Variants in BABAM2 observed in about 807,000 individuals in gnomAD.
BABAM2 encodes BRISC and BRCA1 A complex member 2, also known as BRISC and BRCA1-A complex member 2.
BABAM2 carries 31 observed loss-of-function variants against 54.7 expected under a neutral mutation model. That is an observed-to-expected ratio of 0.57 (90% confidence interval 0.43 to 0.77). BABAM2 has a LOEUF of 0.77. Ranked by LOEUF, BABAM2 falls within the 30% of genes least tolerant of loss-of-function variation. The pLI, the probability that BABAM2 is intolerant of heterozygous loss-of-function variation, is 0.00. For synonymous variants in BABAM2, 167 were observed against 162.9 expected (o/e 1.03, Z -0.19); for missense variants, 364 against 455.8 (o/e 0.80, Z 1.83).
intron 7 of BABAM2, among the ~76,000 whole-genome samples, chr2:28,185,727 A>T (rs1362451833): frequency 2.6e-5 from 4 of 151,218 alleles, no homozygotes; most frequent in African/African-American, 4.9e-5. Flanking sequence ...TTGAAGAATT[A>T]TTTTTTTTGC....
intron 6 of BABAM2, among the ~76,000 whole-genome samples, chr2:28,084,957 A>C (rs1381258958): frequency 2.6e-5 from 4 of 152,240 alleles, no homozygotes; most frequent in Non-Finnish European, 4.4e-5. Context: ...AGAAGTCAAC[A>C]AAATTAACTT....
intron 6 of BABAM2, among the ~76,000 whole-genome samples, chr2:28,121,579 C>T (rs370625644): frequency 1.3e-5 from 2 of 152,092 alleles, no homozygotes; most frequent in Admixed American, 1.3e-4. Context: ...TTTTTATCTT[C>T]AATCTCTGTG....
intron 6 of BABAM2, among the ~76,000 whole-genome samples, chr2:28,069,479 C>T (rs1663922894): frequency 6.6e-6 from 1 of 152,172 alleles, no homozygotes; most frequent in South Asian, 2.1e-4. Context: ...CTACTTCTAA[C>T]ACTTCCTTCC....
chr2:28,338,381 C>T, intron 11 of BABAM2, 69 bp from the exon 12 acceptor site: 1 of 1,351,958 alleles, frequency 7.4e-7, no homozygotes, highest in Non-Finnish European at 1.1e-6. Context: ...CTTGAAAGCT[C>T]CCAGTTGCAC....
chr2:28,161,265 T>G (rs10173507), intron 7 of BABAM2, among the ~76,000 whole-genome samples: 4 of 151,814 alleles, frequency 2.6e-5, no homozygotes, highest in Non-Finnish European at 5.9e-5. Flanking sequence ...TTTGAGTTGC[T>G]TGTACCAACG....
At chr2:28,196,301 T>G (rs547004156) in intron 7 of BABAM2, among the ~76,000 whole-genome samples, 1 of 105,682 alleles carries the variant, frequency 9.5e-6, no homozygotes. Flanking sequence ...CACTCCAGCC[T>G]GGGCAACAGA....
At chr2:28,075,805 TTATTTTCACTTCATTTGAATGAGA>T (rs1377543078) in intron 6 of BABAM2, among the ~76,000 whole-genome samples, 1 of 152,232 alleles carries the variant, frequency 6.6e-6, no homozygotes, top group Non-Finnish European at 1.5e-5. Context: ...AATAGAACTA[TTATTTTCACTTCATTTGAATGAGA>T]GACTCTGTAC....
intron 6 of BABAM2, among the ~76,000 whole-genome samples, chr2:28,062,566 A>G (rs1337414373): frequency 2.2e-5 from 2 of 89,582 alleles, no homozygotes; most frequent in Non-Finnish European, 6.3e-5. Flanking sequence ...CATCTCAAAA[A>G]AAAAAAACCA....
chr2:27,941,699 AAGTC>A (rs1027968967), intron 3 of BABAM2, among the ~76,000 whole-genome samples: 1 of 152,202 alleles, frequency 6.6e-6, no homozygotes, highest in Non-Finnish European at 1.5e-5. Flanking sequence ...TCAGAGGAAA[AAGTC>A]AGAAAAAAAT....
At chr2:28,076,538 C>G (rs1355702408) in intron 6 of BABAM2, among the ~76,000 whole-genome samples, 1 of 151,930 alleles carries the variant, frequency 6.6e-6, no homozygotes, top group Non-Finnish European at 1.5e-5. Flanking sequence ...CTCTGTCACC[C>G]AGGCTGGAGT....
chr2:27,890,490 C>T (rs1664724888), upstream of BABAM2: 2 of 675,774 alleles, frequency 3.0e-6, no homozygotes, highest in East Asian at 2.7e-5. The surrounding 1 kb of genome is among the most constrained non-coding windows in gnomAD (Gnocchi z 4.8). Context: ...CCCGAAATCA[C>T]CCCGCCCACC....
At chr2:28,315,256 G>GTTTT (rs1689433275) in intron 11 of BABAM2, among the ~76,000 whole-genome samples, 1 of 152,022 alleles carries the variant, frequency 6.6e-6, no homozygotes, top group African/African-American at 2.4e-5. Flanking sequence ...TTGTTTGTTT[G>GTTTT]TTTTTAAATC....
chr2:27,990,023 A>G (rs13029008), intron 4 of BABAM2, among the ~76,000 whole-genome samples: 28,753 of 152,064 alleles, frequency 0.19, 3,835 homozygotes, highest in East Asian at 0.62. Flanking sequence ...AGTTATCACA[A>G]ATGTTTTGAG....
Position 28,227,506 on chromosome 2 carries a change from C to G in BABAM2, c.681-9696C>G, listed in dbSNP as rs77338014. Among the ~76,000 whole-genome samples, 108 of 152,306 alleles carry G rather than the reference C, an allele frequency of 7.1e-4. 1 individual carries two copies. The East Asian group carries it at 0.015, about 21-fold the overall frequency. On this transcript the variant is annotated intron_variant, in intron 7 of 11. Coordinates refer to ENST00000379624, the MANE Select transcript of BABAM2 (RefSeq NM_199191.3). ...CTTCCTTGCCTTGCCTTCTGTTTAC[C>G]TGAATATAACCACACTCATTTTACC...
At chr2:28,235,904 C>A (rs943850320) in intron 7 of BABAM2, among the ~76,000 whole-genome samples, 5 of 152,090 alleles carry the variant, frequency 3.3e-5, no homozygotes, top group Non-Finnish European at 7.4e-5. Flanking sequence ...AAGTGATTTG[C>A]CAACCTCAGC....
intron 6 of BABAM2, among the ~76,000 whole-genome samples, chr2:28,084,442 G>C (rs925498540): frequency 5.9e-5 from 9 of 152,014 alleles, no homozygotes; most frequent in African/African-American, 2.2e-4. Context: ...TCACCACTTT[G>C]TGTGTGTGTA....
chr2:27,973,740 G>C (rs868620408), intron 3 of BABAM2, among the ~76,000 whole-genome samples: 2 of 152,186 alleles, frequency 1.3e-5, no homozygotes, highest in African/African-American at 4.8e-5. Context: ...ACATGGAACC[G>C]GACAGAATCA....
At chr2:27,920,817 T>C (rs1365186087) in intron 2 of BABAM2, among the ~76,000 whole-genome samples, 1 of 152,212 alleles carries the variant, frequency 6.6e-6, no homozygotes, top group African/African-American at 2.4e-5. Flanking sequence ...AGAAATGGTC[T>C]AAGTCATTAT....
intron 7 of BABAM2, among the ~76,000 whole-genome samples, chr2:28,207,576 G>A (rs954464277): frequency 6.6e-6 from 1 of 152,024 alleles, no homozygotes; most frequent in Non-Finnish European, 1.5e-5. Flanking sequence ...TCCAACTTGA[G>A]CAAGGAATAG....
Sources: gnomAD v4.1 joint callset for allele counts (sites outside exome capture counted in the v4.1 genomes callset) on GRCh38, gnomAD v4.1.1 for gene constraint, Gnocchi (gnomAD v3.1) non-coding constraint, MANE v1.5 for transcripts, NCBI Gene and HGNC (gene_info 2026-07-23, HGNC 2026-07-21) for gene names.